The following PLD1 variants were observed in gnomAD, a reference collection of about 807,000 sequenced individuals.
PLD1 encodes the protein choline phosphatase 1.
Under a neutral mutation model 137.1 loss-of-function variants are expected in PLD1, and 112 were observed. That is an observed-to-expected ratio of 0.82 (90% CI 0.70 to 0.96). The LOEUF is 0.96. Ranked by LOEUF, PLD1 falls within the 40% of genes least tolerant of loss-of-function variation. PLD1 has a pLI of 0.00. For synonymous variants in PLD1, 431 were observed against 454.7 expected (o/e 0.95, Z 0.66); for missense variants, 1,321 against 1,342.0 (o/e 0.98, Z 0.24).
rs1210136797 is a variant in PLD1, at chr3:171,764,835, G to C, written c.-31-26753C>G. 2.4e-4 allele frequency among the ~76,000 whole-genome samples: 2 copies of C among 8,312 alleles called. 1 individual carries two copies. Among genetic ancestry groups the C allele is most frequent in the East Asian group, 2.1e-3 (2 of 950 alleles). The allele number at this position is 8,312 out of a possible 152,430, so 5.5% of individuals were successfully genotyped here. ...CAAGAAAGAAAGAAAGAGAAAGAAA[G>C]AAAGAAAGAAAGAAAGAAAGAAAGA... On this transcript the variant is annotated intron_variant, in intron 1 of 26. Coordinates refer to ENST00000351298, the MANE Select transcript of PLD1 (RefSeq NM_002662.5).
At chr3:171,723,984 G>A (rs1472379299) in intron 8 of PLD1, among the ~76,000 whole-genome samples, 1 of 151,980 alleles carries the variant, frequency 6.6e-6, no homozygotes, top group African/African-American at 2.4e-5. Flanking sequence ...TTTTATGGCT[G>A]GATAATATTC....
chr3:171,734,775 A>G, intron 5 of PLD1, 90 bp downstream of exon 5: 1 of 751,534 alleles, frequency 1.3e-6, no homozygotes, highest in African/African-American at 1.8e-5. Context: ...GAGGAGTTGT[A>G]GCCAGGCCTA....
At chr3:171,701,734 G>A (rs1250380758) in intron 11 of PLD1, among the ~76,000 whole-genome samples, 2 of 152,186 alleles carry the variant, frequency 1.3e-5, no homozygotes, top group African/African-American at 2.4e-5. Flanking sequence ...GCATTATTAT[G>A]TAAGAATCTT....
rs1578099921 is a variant in PLD1 at position 171,612,286 on chromosome 3, A to C, written c.2875T>G (p.Cys959Gly). The change falls in exon 25 of 27, where the codon TGC becomes GGC. Residue 959 changes from cysteine to glycine, a missense_variant. Physicochemically the swap from Cys to Gly is radical, Grantham distance 159. Transcript: ENST00000351298. This position sits in a 1 kb window ranked among gnomAD's most constrained non-coding sequence, Gnocchi z 4.1. ...ACACTTTGGCGGACTGACCTAAAGC[A>C]CTGTAGCCGAAGTCCTCGGGCAAAC... ...GRFARGLRLQ[C>G]FRVVLGYLDD... The C allele has an allele frequency of 6.2e-7, 1 of 1,613,898 alleles. No individual in the cohort carries two copies. Among genetic ancestry groups the C allele is most frequent in the Non-Finnish European group, 8.5e-7 (1 of 1,179,916 alleles).
chr3:171,628,581 T>A (rs1241534817), intron 23 of PLD1, among the ~76,000 whole-genome samples: 3 of 151,920 alleles, frequency 2.0e-5, no homozygotes, highest in African/African-American at 7.3e-5. Flanking sequence ...TAGAACAATA[T>A]CCTTGATGAA....
chr3:171,668,787 G>A (rs1283531271), intron 19 of PLD1, among the ~76,000 whole-genome samples: 7 of 152,126 alleles, frequency 4.6e-5, no homozygotes, highest in Admixed American at 6.5e-5. Flanking sequence ...ATGCTGACAC[G>A]GCATTCAGCA....
rs1291390203 is a variant in PLD1 at position 171,764,825 on chromosome 3, GAGAAAGAAAGA to G, written c.-31-26754_-31-26744del. Among the ~76,000 whole-genome samples the G allele has an allele frequency of 8.8e-5, 2 of 22,742 alleles. 1 individual carries two copies. Among genetic ancestry groups the G allele is most frequent in the Non-Finnish European group, 1.8e-4 (2 of 11,072 alleles). The allele number at this position is 22,742 out of a possible 152,430, so 14.9% of individuals were successfully genotyped here. ...ATGGGCAAATCAAGAAAGAAAGAAA[GAGAAAGAAAGA>G]AAGAAAGAAAGAAAGAAAGAAAGAA... On this transcript the variant is annotated intron_variant, in intron 1 of 26. Transcript: ENST00000351298.
chr3:171,647,023 C>G (rs1184277494), intron 21 of PLD1, among the ~76,000 whole-genome samples: 2 of 152,208 alleles, frequency 1.3e-5, no homozygotes, highest in Non-Finnish European at 2.9e-5. Flanking sequence ...TTATTCTTGC[C>G]TCGGCACTCA....
intron 23 of PLD1, among the ~76,000 whole-genome samples, chr3:171,631,967 C>T (rs1008121977): frequency 9.2e-5 from 14 of 152,068 alleles, no homozygotes; most frequent in Non-Finnish European, 2.1e-4. Flanking sequence ...TGATAAGAAG[C>T]AGGATACTTA....
At chr3:171,677,461 C>T (rs1315630110) in intron 17 of PLD1, 105 bp downstream of exon 17, 31 of 1,193,378 alleles carry the variant, frequency 2.6e-5, no homozygotes, top group South Asian at 3.4e-5. Context: ...CAAAAATCAA[C>T]GGAAGCAAAA....
intron 23 of PLD1, among the ~76,000 whole-genome samples, chr3:171,628,777 T>C (rs1458485823): frequency 1.1e-4 from 16 of 152,208 alleles, no homozygotes; most frequent in African/African-American, 3.6e-4. Context: ...ATTATCTCAA[T>C]AGATGCAGAA....
intron 6 of PLD1, 106 bp from the exon 7 acceptor site, chr3:171,726,182 TC>T: frequency 1.4e-6 from 1 of 725,844 alleles, no homozygotes. Context: ...TTTGGTGTGC[TC>T]CACAGACTAC....
chr3:171,765,374 G>C (rs1721909256), intron 1 of PLD1: 1 of 152,200 alleles, frequency 6.6e-6, no homozygotes, highest in Non-Finnish European at 1.5e-5. Flanking sequence ...ACAATGATGA[G>C]AGTAATGAGC....
chr3:171,635,633 T>G (rs1370287735), intron 23 of PLD1, among the ~76,000 whole-genome samples: 1 of 152,142 alleles, frequency 6.6e-6, no homozygotes, highest in East Asian at 1.9e-4. Flanking sequence ...TTTTTATTAC[T>G]GAATTGTAGG....
intron 24 of PLD1, among the ~76,000 whole-genome samples, chr3:171,616,793 C>T (rs2108283057): frequency 6.6e-6 from 1 of 152,310 alleles, no homozygotes; most frequent in Non-Finnish European, 1.5e-5. Flanking sequence ...CGCTGAATTT[C>T]TAACCTACTG....
intron 23 of PLD1, among the ~76,000 whole-genome samples, chr3:171,628,183 C>A (rs916488677): frequency 1.3e-5 from 2 of 152,158 alleles, no homozygotes; most frequent in African/African-American, 4.8e-5. Flanking sequence ...GGGGATATCA[C>A]CATCGATCCC....
intron 1 of PLD1, among the ~76,000 whole-genome samples, chr3:171,747,233 C>T (rs1445158066): frequency 6.6e-6 from 1 of 152,198 alleles, no homozygotes; most frequent in East Asian, 1.9e-4. Context: ...TTCGTGAAGT[C>T]AGTGCAGACC....
At chr3:171,702,232 A>T (rs7620815) in intron 11 of PLD1, among the ~76,000 whole-genome samples, 80,806 of 151,966 alleles carry the variant, frequency 0.53, 22,814 homozygotes, top group African/African-American at 0.73. Flanking sequence ...ACATGTATAA[A>T]CCCAGCACTT....
chr3:171,681,073 C>T (rs1371675573), intron 16 of PLD1, among the ~76,000 whole-genome samples: 1 of 152,234 alleles, frequency 6.6e-6, no homozygotes, highest in Non-Finnish European at 1.5e-5. Flanking sequence ...TCAATCTGCA[C>T]AAATCAGCCC....
Sources: allele counts gnomAD v4.1 joint callset (sites outside exome capture counted in the v4.1 genomes callset), GRCh38; gene constraint gnomAD v4.1.1; non-coding constraint Gnocchi (gnomAD v3.1); transcripts MANE v1.5; gene names NCBI Gene and HGNC (gene_info 2026-07-23, HGNC 2026-07-21).